PCDHA10: variants seen among roughly 807,000 people sequenced by gnomAD.
The protein encoded by PCDHA10 is protocadherin alpha 10.
PCDHA10 carries 45 observed loss-of-function variants against 61.2 expected under a neutral mutation model. The ratio of observed to expected loss-of-function variants is 0.74; its 90% CI spans 0.58 to 0.94. The LOEUF is 0.94. Among genes scored for constraint, PCDHA10 ranks in the 40% least tolerant of loss-of-function variants. PCDHA10 has a pLI of 0.00. For missense variants in PCDHA10, 1,278 were observed against 1,236.2 expected (o/e 1.03, Z -0.51); for synonymous variants, 602 against 548.8 (o/e 1.10, Z -1.35).
At chr5:141,000,389 CTCTCTCTATA>C (rs1363755181) in intron 3 of PCDHA10, among the ~76,000 whole-genome samples, 150 of 62,510 alleles carry the variant, frequency 2.4e-3, no homozygotes, top group African/African-American at 5.3e-3. Context: ...CTCTCTCTCT[CTCTCTCTATA>C]TATATATATA....
chr5:140,884,988 ATGTT>A (rs1398620689), intron 1 of PCDHA10, among the ~76,000 whole-genome samples: 1 of 152,242 alleles, frequency 6.6e-6, no homozygotes, highest in Non-Finnish European at 1.5e-5. Context: ...CATTTAGAAA[ATGTT>A]TGTTTTAATG....
chr5:140,925,641 TATAATA>T (rs10569930), intron 1 of PCDHA10, among the ~76,000 whole-genome samples: 8,694 of 143,320 alleles, frequency 0.061, 267 homozygotes, highest in Non-Finnish European at 0.068. Flanking sequence ...GAACTTAAAG[TATAATA>T]ATAATAATAA....
At chr5:140,967,057 A>T (rs1554229122) in intron 1 of PCDHA10, 1 of 1,612,704 alleles carries the variant, frequency 6.2e-7, no homozygotes, top group South Asian at 1.1e-5. Context: ...TGACGAGTGG[A>T]GCGCTCTTCG....
intron 1 of PCDHA10, chr5:140,929,177 T>G: frequency 6.2e-7 from 1 of 1,614,172 alleles, no homozygotes; most frequent in Non-Finnish European, 8.5e-7. Flanking sequence ...TCTCTGGGAC[T>G]TGGTTCTGAT....
chr5:140,927,811 G>A, intron 1 of PCDHA10: 1 of 1,614,186 alleles, frequency 6.2e-7, no homozygotes, highest in Non-Finnish European at 8.5e-7. Context: ...AACGCTCTTG[G>A]AGGCATACAT....
At chr5:140,883,355 A>C (rs763058953) in intron 1 of PCDHA10, 36 of 1,613,958 alleles carry the variant, frequency 2.2e-5, no homozygotes, top group Non-Finnish European at 3.0e-5. Context: ...CAGAGAAGAC[A>C]CTCAGCCTAG....
chr5:140,946,080 A>T lies in PCDHA10; in HGVS notation c.2389-32869A>T, dbSNP rs74501731. ...GGGAGAAAATATTTGCAAACCACAG[A>T]TCTGATAAGGAGTTAACATACCAAA... On this transcript the variant is annotated intron_variant, in intron 1 of 3. Coordinates refer to ENST00000307360, the MANE Select transcript of PCDHA10 (RefSeq NM_018901.4). Among the ~76,000 whole-genome samples, 867 of 152,226 alleles carry T rather than the reference A, an allele frequency of 5.7e-3. 6 individuals carry two copies. Among genetic ancestry groups the T allele is most frequent in the African/African-American group, 0.02 (843 of 41,572 alleles).
rs576672695 is a variant in PCDHA10, at chr5:140,976,134, A to G, written c.2389-2815A>G. On this transcript the variant is annotated intron_variant, in intron 1 of 3. Transcript: ENST00000307360. ...TTTTCCAAGTTTAATCAAGTTCTGG[A>G]TGAAACTCATGTACATTTTACTACT... Among the ~76,000 whole-genome samples the G allele has an allele frequency of 2.0e-5, 3 of 152,348 alleles. No homozygotes were observed. In the East Asian group the frequency reaches 5.8e-4, roughly 29 times the overall value.
intron 3 of PCDHA10, among the ~76,000 whole-genome samples, chr5:140,987,213 CA>C (rs58319157): frequency 0.029 from 3,412 of 118,662 alleles, 64 homozygotes; most frequent in African/African-American, 0.058. Flanking sequence ...GACTCCATCT[CA>C]AAAAAAAAAA....
At chr5:140,895,784 T>C (rs2065158516) in intron 1 of PCDHA10, among the ~76,000 whole-genome samples, 1 of 152,166 alleles carries the variant, frequency 6.6e-6, no homozygotes, top group Non-Finnish European at 1.5e-5. Flanking sequence ...TAGTATTCAA[T>C]GACGTATATG....
chr5:140,927,191 T>C, intron 1 of PCDHA10: 16 of 1,614,144 alleles, frequency 9.9e-6, no homozygotes, highest in Non-Finnish European at 1.4e-5. Context: ...TACGACCTGG[T>C]GCTCGAGGAC....
chr5:140,877,168 C>T lies in PCDHA10; in HGVS notation c.2388+18732C>T, dbSNP rs199567490. The T allele has an allele frequency of 1.0e-4, 161 of 1,613,836 alleles. No homozygotes were observed. In the African/African-American group the frequency reaches 2.0e-3, roughly 20 times the overall value. On this transcript the variant is annotated intron_variant, in intron 1 of 3. Coordinates refer to ENST00000307360, the MANE Select transcript of PCDHA10 (RefSeq NM_018901.4). ...CGAGAACGACAACGCGCCGGCACTG[C>T]TGGCGACTCCGGCTGGCAGCGCAGG...
Position 141,010,035 on chromosome 5 carries a change from G to A in PCDHA10, c.*98G>A. 7 of 1,582,518 alleles carry A rather than the reference G, an allele frequency of 4.4e-6. No individual in the cohort carries two copies. The South Asian group carries it at 7.1e-5, about 16-fold the overall frequency. ...CTGCTCCTTTTTCCTATCTACATGAGCCCTCTTAGAGACCTCAGAAATCTG... is the reference window on the plus strand; with the variant it reads ...CTGCTCCTTTTTCCTATCTACATGAACCCTCTTAGAGACCTCAGAAATCTG... On this transcript the variant is annotated 3_prime_UTR_variant, in exon 4 of 4. Coordinates refer to ENST00000307360, the MANE Select transcript of PCDHA10 (RefSeq NM_018901.4).
intron 1 of PCDHA10, chr5:140,876,170 T>C (rs781910243): frequency 6.2e-7 from 1 of 1,613,982 alleles, no homozygotes; most frequent in African/African-American, 1.3e-5. Context: ...ATAACCGTCC[T>C]GGATGTGAAT....
intron 1 of PCDHA10, among the ~76,000 whole-genome samples, chr5:140,973,225 G>A (rs1554235003): frequency 6.6e-6 from 1 of 152,180 alleles, no homozygotes; most frequent in African/African-American, 2.4e-5. Flanking sequence ...TCCAGGTATA[G>A]TGACCTGAAA....
At chr5:140,974,496 T>C (rs1554236114) in intron 1 of PCDHA10, among the ~76,000 whole-genome samples, 1 of 152,198 alleles carries the variant, frequency 6.6e-6, no homozygotes, top group Non-Finnish European at 1.5e-5. Flanking sequence ...TCAAATGTAT[T>C]ACCTTTGTGT....
At chr5:140,864,478 G>A (rs377075793) in intron 1 of PCDHA10, 3 of 152,180 alleles carry the variant, frequency 2.0e-5, no homozygotes, top group Admixed American at 6.5e-5. Context: ...GATGTTGATT[G>A]CAGTGGGTGG....
chr5:140,870,344 G>C, intron 1 of PCDHA10: 1 of 1,614,196 alleles, frequency 6.2e-7, no homozygotes, highest in Non-Finnish European at 8.5e-7. Flanking sequence ...GCCCTGGACC[G>C]CGAGAACGTG....
At chr5:140,883,162 C>A (rs782797002) in intron 1 of PCDHA10, 8 of 1,613,690 alleles carry the variant, frequency 5.0e-6, no homozygotes, top group Non-Finnish European at 5.1e-6. Context: ...TAAATCCGAA[C>A]AATGGAGAAA....
Sources: gnomAD v4.1 joint callset for allele counts (sites outside exome capture counted in the v4.1 genomes callset) on GRCh38, gnomAD v4.1.1 for gene constraint, MANE v1.5 for transcripts, NCBI Gene and HGNC (gene_info 2026-07-23, HGNC 2026-07-21) for gene names.